DEUP1: variants seen among roughly 807,000 people sequenced by gnomAD.
DEUP1 encodes the protein coiled-coil domain containing 67.
Under a neutral mutation model 87.4 loss-of-function variants are expected in DEUP1, and 82 were observed. The observed-to-expected ratio is 0.94, with a 90% CI of 0.78 to 1.13. DEUP1 has a LOEUF of 1.13. DEUP1 is among the 50% of genes most tolerant of loss of function. DEUP1 has a pLI of 0.00. For missense variants in DEUP1, 663 were observed against 681.5 expected, an observed-to-expected ratio of 0.97 and a Z score of 0.30; for synonymous variants, 214 against 222.7, an observed-to-expected ratio of 0.96 and a Z score of 0.35.
chr11:93,416,832 T>G (rs1161916119), intron 13 of DEUP1, among the ~76,000 whole-genome samples: 1 of 151,792 alleles, frequency 6.6e-6, no homozygotes, highest in Non-Finnish European at 1.5e-5. Flanking sequence ...TTATCCACCA[T>G]GATCGAGTGG....
At position 93,338,693 on chromosome 11, in the gene DEUP1, C is replaced by T. The variant is rs775830601; in HGVS notation, c.29+6405C>T. Among the ~76,000 whole-genome samples the T allele has an allele frequency of 1.1e-4, 17 of 152,182 alleles. 1 individual carries two copies. Among genetic ancestry groups the T allele is most frequent in the Non-Finnish European group, 2.4e-4 (16 of 68,034 alleles). ...GTGCTAGAATTACAGGCATGAACCA[C>T]TGCTCCCAGCTCAGTCAACATTTGT... On this transcript the variant is annotated intron_variant, in intron 2 of 13. Coordinates refer to ENST00000298050, the MANE Select transcript of DEUP1 (RefSeq NM_181645.4).
At chr11:93,339,418 T>C (rs537004385) in intron 2 of DEUP1, among the ~76,000 whole-genome samples, 58 of 152,320 alleles carry the variant, frequency 3.8e-4, no homozygotes, top group African/African-American at 1.4e-3. Flanking sequence ...AAAATGCAAA[T>C]ACTTTATGCT....
intron 5 of DEUP1, among the ~76,000 whole-genome samples, chr11:93,365,730 G>C (rs886376677): frequency 1.3e-5 from 2 of 152,170 alleles, no homozygotes; most frequent in Non-Finnish European, 2.9e-5. Context: ...TTACACAAAA[G>C]TTTTTAAAGA....
intron 11 of DEUP1, 82 bp downstream of exon 11, chr11:93,396,407 C>T: frequency 6.0e-6 from 5 of 838,792 alleles, no homozygotes; most frequent in South Asian, 5.5e-5. Context: ...ATTTATTGAG[C>T]ACTTGCTGTG....
At chr11:93,412,494 A>T (rs1947465708) in intron 12 of DEUP1, among the ~76,000 whole-genome samples, 1 of 152,240 alleles carries the variant, frequency 6.6e-6, no homozygotes, top group Non-Finnish European at 1.5e-5. Context: ...AAAGTACTTT[A>T]CTTCATAATG....
chr11:93,398,923 A>G, intron 11 of DEUP1, among the ~76,000 whole-genome samples: 1 of 152,008 alleles, frequency 6.6e-6, no homozygotes, highest in Non-Finnish European at 1.5e-5. Flanking sequence ...GGGTTTAGCC[A>G]TGTTGGCCAG....
chr11:93,406,622 AAAATTGT>A (rs1471341059), intron 11 of DEUP1, among the ~76,000 whole-genome samples: 3 of 151,952 alleles, frequency 2.0e-5, no homozygotes, highest in Non-Finnish European at 4.4e-5. Flanking sequence ...TCATTAAATA[AAAATTGT>A]AAAAAACTTT....
chr11:93,361,119 G>A (rs1465493662), intron 4 of DEUP1, among the ~76,000 whole-genome samples: 2 of 152,092 alleles, frequency 1.3e-5, no homozygotes, highest in African/African-American at 2.4e-5. Flanking sequence ...CTCTGGAAAC[G>A]ATGGAGGCTT....
intron 9 of DEUP1, among the ~76,000 whole-genome samples, chr11:93,390,477 T>A (rs1443447451): frequency 6.6e-6 from 1 of 152,220 alleles, no homozygotes; most frequent in Admixed American, 6.5e-5. Flanking sequence ...TTGAACACTT[T>A]AATGCCATAT....
intron 10 of DEUP1, among the ~76,000 whole-genome samples, chr11:93,394,968 C>A (rs1326645243): frequency 6.6e-6 from 1 of 152,014 alleles, no homozygotes; most frequent in Non-Finnish European, 1.5e-5. Context: ...GTATGTTTTT[C>A]TGTATTTCTC....
chr11:93,404,027 A>G (rs1351834400), intron 11 of DEUP1, among the ~76,000 whole-genome samples: 2 of 152,170 alleles, frequency 1.3e-5, no homozygotes, highest in Non-Finnish European at 2.9e-5. Context: ...CTAACCAATT[A>G]TAGCTTTGAG....
upstream of DEUP1, chr11:93,330,337 C>A (rs984766901): frequency 6.6e-6 from 1 of 152,556 alleles, no homozygotes. Context: ...TTCATTCATT[C>A]AACAAGTATT....
chr11:93,335,946 C>A (rs984675736), intron 2 of DEUP1, among the ~76,000 whole-genome samples: 15 of 152,080 alleles, frequency 9.9e-5, no homozygotes, highest in African/African-American at 3.4e-4. Context: ...GAAACCCCGT[C>A]TCTACTAAAA....
intron 12 of DEUP1, 38 bp from the exon 13 acceptor site, chr11:93,414,962 C>T (rs567435172): frequency 8.5e-7 from 1 of 1,181,598 alleles, no homozygotes. Flanking sequence ...AACATGTGTC[C>T]TTGATAGCAA....
Position 93,396,237 on chromosome 11 carries a change from AG to A in DEUP1, c.1240del. Reference sequence around the variant, plus strand: ...CATTTGCCTTTTATCTGCTAATTTCAGGTCTCAGATATGAAATATAAAGCTG... The same window carrying A: ...CATTTGCCTTTTATCTGCTAATTTCAGTCTCAGATATGAAATATAAAGCTG... On this transcript the variant is annotated splice_acceptor_variant, in intron 10 of 13. Coordinates refer to ENST00000298050, the MANE Select transcript of DEUP1 (RefSeq NM_181645.4). LOFTEE classifies it high-confidence loss of function. The A allele has an allele frequency of 1.3e-6, 2 of 1,541,792 alleles. No individual in the cohort carries two copies. Among genetic ancestry groups the A allele is most frequent in the Non-Finnish European group, 1.8e-6 (2 of 1,139,320 alleles).
chr11:93,431,424 G>C (rs933924122), intron 13 of DEUP1, among the ~76,000 whole-genome samples: 4 of 152,164 alleles, frequency 2.6e-5, no homozygotes, highest in Admixed American at 6.5e-5. Flanking sequence ...AAAGGGAACA[G>C]ATAAGTTGTC....
At chr11:93,432,888 T>C (rs1948145375) in intron 13 of DEUP1, among the ~76,000 whole-genome samples, 1 of 152,198 alleles carries the variant, frequency 6.6e-6, no homozygotes, top group African/African-American at 2.4e-5. Context: ...TCATTGATGA[T>C]AGTGTCAAGG....
intron 7 of DEUP1, among the ~76,000 whole-genome samples, chr11:93,380,637 T>C (rs967424254): frequency 6.6e-6 from 1 of 152,110 alleles, no homozygotes; most frequent in East Asian, 1.9e-4. Flanking sequence ...TCTCCTGACC[T>C]TGTGATCCAC....
chr11:93,416,098 A>G (rs1947615364), intron 13 of DEUP1, among the ~76,000 whole-genome samples: 1 of 152,170 alleles, frequency 6.6e-6, no homozygotes, highest in Non-Finnish European at 1.5e-5. Context: ...GAGCCAATGA[A>G]TATCTCAAGT....
Sources: gnomAD v4.1 joint callset for allele counts (sites outside exome capture counted in the v4.1 genomes callset) on GRCh38, gnomAD v4.1.1 for gene constraint, MANE v1.5 for transcripts, NCBI Gene and HGNC (gene_info 2026-07-23, HGNC 2026-07-21) for gene names.